SLC35G1: variants seen among roughly 807,000 people sequenced by gnomAD.
SLC35G1 encodes the protein partner of STIM1.
Under a neutral mutation model 17.1 loss-of-function variants are expected in SLC35G1, and 10 were observed. The ratio of observed to expected loss-of-function variants is 0.59; its 90% CI spans 0.36 to 0.99. The LOEUF (loss-of-function observed/expected upper bound fraction) is 0.99, where lower values mean the gene tolerates loss of function less well. Among genes scored for constraint, SLC35G1 ranks in the 50% least tolerant of loss-of-function variants. The probability of loss-of-function intolerance (pLI) is 0.01; values close to 1 mark genes in which losing one functional copy is unlikely to be tolerated. For missense variants in SLC35G1, 433 were observed against 468.4 expected (o/e 0.92, Z 0.70); for synonymous variants, 185 against 181.1 (o/e 1.02, Z -0.18).
At chr10:93,903,902 A>G (rs1169710933), downstream of SLC35G1, 1 of 152,194 alleles carries the variant, frequency 6.6e-6, no homozygotes, top group Admixed American at 6.5e-5. Flanking sequence ...TATTTTCTGT[A>G]GGAGATTGAC....
chr10:93,898,850 A>G (rs1250312286), intron 2 of SLC35G1, 99 bp downstream of exon 2: 2 of 1,191,734 alleles, frequency 1.7e-6, no homozygotes, highest in Non-Finnish European at 2.3e-6. Flanking sequence ...CATCTCATAT[A>G]CTTACCAGTT....
rs977222951 is a variant in SLC35G1, at chr10:93,894,076, C to G, written c.43C>G (p.Pro15Ala). The G allele has an allele frequency of 3.4e-6, 5 of 1,483,554 alleles. No homozygotes were observed. Among genetic ancestry groups the G allele is most frequent in the Non-Finnish European group, 4.4e-6 (5 of 1,125,156 alleles). The allele number at this position is 1,483,554 out of a possible 1,614,324, so 91.9% of individuals were successfully genotyped here. Residue 15 changes from proline (P) to alanine (A), a missense_variant, in exon 1 of 3, where the codon CCC (proline) becomes GCC (alanine). Coordinates refer to ENST00000427197, the MANE Select transcript of SLC35G1 (RefSeq NM_001134658.3). Reference protein sequence around the residue: ...DSTGVAELQEPGLPLTDDAPP... With the variant: ...DSTGVAELQEAGLPLTDDAPP... Reference sequence around the variant, plus strand: ...CACCGGGGTCGCGGAGCTCCAGGAGCCCGGGCTGCCGCTAACGGACGATGC... The same window carrying G: ...CACCGGGGTCGCGGAGCTCCAGGAGGCCGGGCTGCCGCTAACGGACGATGC...
At chr10:93,896,370 A>C (rs1019743709) in intron 1 of SLC35G1, among the ~76,000 whole-genome samples, 1 of 152,216 alleles carries the variant, frequency 6.6e-6, no homozygotes, top group African/African-American at 2.4e-5. Flanking sequence ...AAAGCAGAGG[A>C]TAGAGAAGCT....
At position 93,900,795 on chromosome 10, in the gene SLC35G1, C is replaced by T. The variant is rs538600195; in HGVS notation, c.403C>T (p.Leu135Phe). 2.5e-6 allele frequency: 4 copies of T among 1,612,700 alleles called. No individual in the cohort carries two copies. The highest frequency in any genetic ancestry group is 1.7e-5 in the Admixed American group (1 of 59,954). The stretch of plus-strand genomic sequence containing the variant: ...AAAAGGTCAACGAATTTTCCTCATT[C>T]TCAGAGGAGTCCTTGGTTCTACCGC... The part of the protein sequence containing the change: ...GPKGQRIFLI[L>F]RGVLGSTAMM... The change falls in exon 3 of 3, where the codon CTC becomes TTC. Residue 135 changes from leucine to phenylalanine, a missense_variant. Physicochemically the swap from Leu to Phe is conservative, Grantham distance 22. Transcript: ENST00000427197.
chr10:93,900,285 C>G (rs1024260041), intron 2 of SLC35G1, among the ~76,000 whole-genome samples: 1 of 152,018 alleles, frequency 6.6e-6, no homozygotes, highest in Non-Finnish European at 1.5e-5. Context: ...TCTAAGTTTC[C>G]TTACACAGGG....
chr10:93,894,165 G>T lies in SLC35G1; in HGVS notation c.132G>T (p.Arg44Ser), dbSNP rs199500711. The change falls in exon 1 of 3, where the codon AGG becomes AGT. Residue 44 changes from arginine to serine, a missense_variant. Arg to Ser is a moderately radical substitution (Grantham distance 110). Transcript: ENST00000427197. Reference sequence around the variant, plus strand: ...CAGCTGGGGCGCCAGACCGCGGTAGGTGCTGGCTCTGCCTTTCCTCGCCGT... The same window carrying T: ...CAGCTGGGGCGCCAGACCGCGGTAGTTGCTGGCTCTGCCTTTCCTCGCCGT... ...AEAAGAPDRGRCWLCLSSPCC... is the reference protein window; with the variant it reads ...AEAAGAPDRGSCWLCLSSPCC... The T allele has an allele frequency of 3.3e-4, 479 of 1,471,002 alleles. No individual in the cohort carries two copies. Among genetic ancestry groups the T allele is most frequent in the Non-Finnish European group, 4.1e-4 (456 of 1,118,622 alleles). The allele number at this position is 1,471,002 out of a possible 1,614,324, so 91.1% of individuals were successfully genotyped here.
At chr10:93,899,238 T>C (rs1370443225) in intron 2 of SLC35G1, among the ~76,000 whole-genome samples, 2 of 152,180 alleles carry the variant, frequency 1.3e-5, no homozygotes, top group African/African-American at 4.8e-5. Flanking sequence ...CGTATTTAGT[T>C]TCCTCTTTTG....
At chr10:93,904,188 A>G (rs1255979602), downstream of SLC35G1, among the ~76,000 whole-genome samples, 1 of 152,068 alleles carries the variant, frequency 6.6e-6, no homozygotes, top group Non-Finnish European at 1.5e-5. Context: ...TTCTTTCCTC[A>G]CCATTTCCAC....
At position 93,903,744 on chromosome 10, in the gene SLC35G1, G is replaced by A. The variant is rs952403118; in HGVS notation, c.*2254G>A. ...TATGGGTATGTATATTTTGCAGAGC[G>A]TAGTTTCTATATCTTGAAAAGGAAA... On this transcript the variant is annotated 3_prime_UTR_variant, in exon 3 of 3. Transcript: ENST00000427197. The A allele has an allele frequency of 6.6e-5, 10 of 152,130 alleles. No individual in the cohort carries two copies. The highest frequency in any genetic ancestry group is 2.1e-4 in the South Asian group (1 of 4,832). 9.4% of individuals were successfully genotyped at this position (152,130 alleles called of 1,614,324 possible).
At chr10:93,904,955 C>G (rs1589804680), downstream of SLC35G1, among the ~76,000 whole-genome samples, 1 of 152,188 alleles carries the variant, frequency 6.6e-6, no homozygotes, top group Non-Finnish European at 1.5e-5. Context: ...ATTCGGCCCC[C>G]TCCTGCTAGC....
chr10:93,894,236 T>C, intron 1 of SLC35G1, 25 bp downstream of exon 1: 1 of 1,334,416 alleles, frequency 7.5e-7, no homozygotes, highest in Non-Finnish European at 9.6e-7. Flanking sequence ...TGGATCGGGC[T>C]CTGGTCTCGC....
In SLC35G1 at chr10:93,894,238, T is replaced by C. The variant is rs761629507; in HGVS notation, c.178+27T>C. The C allele has an allele frequency of 5.3e-6, 7 of 1,325,790 alleles. No homozygotes were observed. In the South Asian group the frequency reaches 9.7e-5, roughly 18 times the overall value. The allele number at this position is 1,325,790 out of a possible 1,614,324, so 82.1% of individuals were successfully genotyped here. On this transcript the variant is annotated intron_variant, in intron 1 of 2. Transcript: ENST00000427197. ...TGAGTGCGCGGTGTGGATCGGGCTCTGGTCTCGCTCGGGGGTCCCGAGCGG... is the reference window on the plus strand; with the variant it reads ...TGAGTGCGCGGTGTGGATCGGGCTCCGGTCTCGCTCGGGGGTCCCGAGCGG...
In SLC35G1 at chr10:93,901,265, T is replaced by C; in HGVS notation, c.873T>C (p.Ile291=). The C allele has an allele frequency of 1.2e-6, 2 of 1,613,886 alleles. No individual in the cohort carries two copies. Among genetic ancestry groups the C allele is most frequent in the Non-Finnish European group, 1.7e-6 (2 of 1,179,858 alleles). Reference sequence around the variant, plus strand: ...TGGACAGGCTATTTCTCATATTCATTGGGCTCTTTGGTTTGGGGGGTCAGA... The same window carrying C: ...TGGACAGGCTATTTCTCATATTCATCGGGCTCTTTGGTTTGGGGGGTCAGA... ...CGLDRLFLIF[I]GLFGLGGQIF... Residue 291 remains isoleucine (I), a synonymous_variant, in exon 3 of 3, where the codon ATT becomes ATC. Transcript: ENST00000427197.
At chr10:93,899,417 C>T (rs1355285200) in intron 2 of SLC35G1, among the ~76,000 whole-genome samples, 1 of 152,030 alleles carries the variant, frequency 6.6e-6, no homozygotes, top group East Asian at 1.9e-4. Flanking sequence ...CTTTTCCTTC[C>T]CTGTTGAACT....
At position 93,901,525 on chromosome 10, in the gene SLC35G1, A is replaced by ACAC. The variant is rs1564593283; in HGVS notation, c.*38_*40dup. Reference sequence around the variant, plus strand: ...GCTGAAATACATATTTTTTTCAAGTACACCATCACCTAATTCACATACAGC... The same window carrying ACAC: ...GCTGAAATACATATTTTTTTCAAGTACACCACCATCACCTAATTCACATACAGC... On this transcript the variant is annotated 3_prime_UTR_variant, in exon 3 of 3. Coordinates refer to ENST00000427197, the MANE Select transcript of SLC35G1 (RefSeq NM_001134658.3). The ACAC allele has an allele frequency of 1.3e-6, 2 of 1,547,500 alleles. No homozygotes were observed. The highest frequency in any genetic ancestry group is 8.7e-7 in the Non-Finnish European group (1 of 1,149,798).
At chr10:93,907,850 A>T (rs978155036), downstream of SLC35G1, 5 of 152,126 alleles carry the variant, frequency 3.3e-5, no homozygotes, top group African/African-American at 1.2e-4. Context: ...AAAAATAAAA[A>T]GGTGACTTGA....
chr10:93,896,688 A>G (rs546457761), intron 1 of SLC35G1, among the ~76,000 whole-genome samples: 35 of 152,296 alleles, frequency 2.3e-4, no homozygotes, highest in African/African-American at 8.4e-4. Context: ...TTAAGTGTTT[A>G]TAGGCAAGAA....
At position 93,901,494 on chromosome 10, in the gene SLC35G1, A is replaced by C. The variant is rs1222035901; in HGVS notation, c.*4A>C. 1.9e-6 allele frequency: 3 copies of C among 1,578,108 alleles called. No individual in the cohort carries two copies. In the Admixed American group the frequency reaches 5.6e-5, roughly 29 times the overall value. On this transcript the variant is annotated 3_prime_UTR_variant, in exon 3 of 3. Transcript: ENST00000427197. ...ATGGTACCAAAGTTCCAAATGAAGC[A>C]TCATTGCTGAAATACATATTTTTTT... is the stretch of plus-strand genomic sequence containing the variant.
Position 93,902,901 on chromosome 10 carries a change from T to C in SLC35G1, c.*1411T>C, listed in dbSNP as rs1379354153. ...AAAAGCTTGGGAGGTTAGTCAGGAC[T>C]TAGGGAGTATACATAAATGGTTACT... On this transcript the variant is annotated 3_prime_UTR_variant, in exon 3 of 3. Coordinates refer to ENST00000427197, the MANE Select transcript of SLC35G1 (RefSeq NM_001134658.3). The C allele has an allele frequency of 6.6e-6, 1 of 152,544 alleles. No homozygotes were observed. Among genetic ancestry groups the C allele is most frequent in the Admixed American group, 6.5e-5 (1 of 15,276 alleles). The allele number at this position is 152,544 out of a possible 1,614,324, so 9.4% of individuals were successfully genotyped here.
Sources: gnomAD v4.1 joint callset for allele counts (sites outside exome capture counted in the v4.1 genomes callset) on GRCh38, gnomAD v4.1.1 for gene constraint, MANE v1.5 for transcripts, NCBI Gene and HGNC (gene_info 2026-07-23, HGNC 2026-07-21) for gene names.